Variants in ZNF407 observed in about 807,000 individuals in gnomAD.
ZNF407 encodes zinc finger protein 407.
ZNF407 carries 17 observed loss-of-function variants against 131.2 expected under a neutral mutation model. That is an observed-to-expected ratio of 0.13 (90% CI 0.09 to 0.19). The LOEUF (loss-of-function observed/expected upper bound fraction) is 0.19. Ranked by LOEUF, ZNF407 falls within the 10% of genes least tolerant of loss-of-function variation. The probability of loss-of-function intolerance (pLI) is 1.00; values close to 1 mark genes in which losing one functional copy is unlikely to be tolerated. For synonymous variants in ZNF407, 1,156 were observed against 1,062.0 expected, an observed-to-expected ratio of 1.09 and a Z score of -1.72; for missense variants, 2,681 against 2,830.6, an observed-to-expected ratio of 0.95 and a Z score of 1.20.
At chr18:74,756,091 A>G (rs1481123593) in intron 3 of ZNF407, among the ~76,000 whole-genome samples, 3 of 150,712 alleles carry the variant, frequency 2.0e-5, no homozygotes, top group Non-Finnish European at 3.0e-5. Context: ...ATGGGGTTTC[A>G]CCATGTTGGC....
intron 3 of ZNF407, among the ~76,000 whole-genome samples, chr18:74,779,345 A>G (rs553849943): frequency 1.3e-5 from 2 of 151,306 alleles, no homozygotes; most frequent in Non-Finnish European, 2.9e-5. Flanking sequence ...CAATCTCCCG[A>G]CCTTGTGATC....
At position 74,730,996 on chromosome 18, in the gene ZNF407, G is replaced by T. The variant is rs140606636; in HGVS notation, c.4803-50432G>T. ...AATTGAAAAATAACTTTATTAAAAG[G>T]TATTCACTGACTGTTCAGACTTACA... is the stretch of plus-strand genomic sequence containing the variant. On this transcript the variant is annotated intron_variant, in intron 3 of 8. Transcript: ENST00000299687. 2.6e-4 allele frequency among the ~76,000 whole-genome samples: 40 copies of T among 152,198 alleles called. 1 individual carries two copies. The highest frequency in any genetic ancestry group is 2.1e-3 in the Admixed American group (32 of 15,288).
chr18:74,918,461 A>G (rs972111304), intron 7 of ZNF407, among the ~76,000 whole-genome samples: 2 of 152,212 alleles, frequency 1.3e-5, no homozygotes, highest in African/African-American at 4.8e-5. Flanking sequence ...GGTACCTGGC[A>G]TACATTAGGT....
At chr18:74,889,708 A>G (rs1488434717) in intron 6 of ZNF407, among the ~76,000 whole-genome samples, 2 of 152,208 alleles carry the variant, frequency 1.3e-5, no homozygotes, top group African/African-American at 2.4e-5. Flanking sequence ...CTTTGCTTAC[A>G]TTCTAATATA....
chr18:74,953,890 C>T (rs1972245548), intron 8 of ZNF407, among the ~76,000 whole-genome samples: 1 of 152,074 alleles, frequency 6.6e-6, no homozygotes, highest in Non-Finnish European at 1.5e-5. Context: ...CTGCTTTATT[C>T]TGGGAGAAAA....
chr18:74,889,791 AG>A (rs2145195561), intron 6 of ZNF407, 126 bp from the exon 7 acceptor site: 1 of 762,878 alleles, frequency 1.3e-6, no homozygotes, highest in East Asian at 2.9e-5. Context: ...AAGTGTGTGG[AG>A]TCCATTGAAT....
chr18:74,911,910 T>C (rs4567820), intron 7 of ZNF407, among the ~76,000 whole-genome samples: 147,766 of 152,240 alleles, frequency 0.97, 71,883 homozygotes, highest in East Asian at 1. Context: ...GGAATGAGAA[T>C]GCTCTTTGGG....
chr18:75,029,800 T>C (rs1242229473), intron 8 of ZNF407, among the ~76,000 whole-genome samples: 1 of 152,214 alleles, frequency 6.6e-6, no homozygotes, highest in African/African-American at 2.4e-5. Context: ...AACGGATGTC[T>C]TAGAATGTCA....
intron 5 of ZNF407, among the ~76,000 whole-genome samples, chr18:74,879,810 G>A (rs185177484): frequency 6.6e-5 from 10 of 152,186 alleles, no homozygotes; most frequent in South Asian, 6.2e-4. Context: ...ATATGTGTTC[G>A]TTGAAAGTAG....
At chr18:74,606,434 G>C (rs1842194497) in intron 1 of ZNF407, among the ~76,000 whole-genome samples, 1 of 152,108 alleles carries the variant, frequency 6.6e-6, no homozygotes, top group South Asian at 2.1e-4. Flanking sequence ...ATTTTGAGTA[G>C]ATACGGGGTC....
chr18:74,756,729 A>G (rs1024081763), intron 3 of ZNF407, among the ~76,000 whole-genome samples: 4 of 73,444 alleles, frequency 5.4e-5, no homozygotes, highest in African/African-American at 1.0e-4. Context: ...TCATCTGTGA[A>G]TATGTCTTTG....
At chr18:74,626,215 G>A (rs1983778405) in intron 1 of ZNF407, among the ~76,000 whole-genome samples, 1 of 152,198 alleles carries the variant, frequency 6.6e-6, no homozygotes, top group Admixed American at 6.5e-5. Context: ...CTGATATCAA[G>A]TGTTGGTGAG....
chr18:74,687,305 A>G (rs1967117962), intron 3 of ZNF407, among the ~76,000 whole-genome samples: 1 of 152,278 alleles, frequency 6.6e-6, no homozygotes, highest in South Asian at 2.1e-4. Context: ...CTATGATCAC[A>G]TTACTGCACT....
At chr18:74,963,002 T>C (rs993245589) in intron 8 of ZNF407, among the ~76,000 whole-genome samples, 3 of 152,260 alleles carry the variant, frequency 2.0e-5, no homozygotes, top group African/African-American at 7.2e-5. Context: ...TGACAGTTAA[T>C]GCATGGTCTT....
chr18:74,786,071 TTTC>T (rs778305466), intron 4 of ZNF407, among the ~76,000 whole-genome samples: 1 of 152,250 alleles, frequency 6.6e-6, no homozygotes, highest in Non-Finnish European at 1.5e-5. Flanking sequence ...GATTAAATTT[TTTC>T]TTATTAGAAG....
At chr18:74,973,128 T>TA (rs571584911) in intron 8 of ZNF407, among the ~76,000 whole-genome samples, 1 of 151,964 alleles carries the variant, frequency 6.6e-6, no homozygotes, top group African/African-American at 2.4e-5. Flanking sequence ...ATTCTAGGTT[T>TA]TATATATATA....
intron 3 of ZNF407, among the ~76,000 whole-genome samples, chr18:74,755,419 GA>G (rs1211052890): frequency 6.6e-6 from 1 of 152,106 alleles, no homozygotes; most frequent in Non-Finnish European, 1.5e-5. Context: ...TTCGTTAGTT[GA>G]TGCAGTTTCT....
chr18:74,820,124 C>T (rs1222661613), intron 4 of ZNF407, among the ~76,000 whole-genome samples: 1 of 152,132 alleles, frequency 6.6e-6, no homozygotes, highest in Admixed American at 6.5e-5. Flanking sequence ...TGAATAGAAT[C>T]GATTTTCCAG....
intron 4 of ZNF407, among the ~76,000 whole-genome samples, chr18:74,799,913 T>C (rs1470252026): frequency 6.6e-6 from 1 of 151,726 alleles, no homozygotes. Flanking sequence ...CTTTTTTTTT[T>C]TTTTTTTTAA....
Sources: allele counts gnomAD v4.1 joint callset (sites outside exome capture counted in the v4.1 genomes callset), GRCh38; gene constraint gnomAD v4.1.1; transcripts MANE v1.5; gene names NCBI Gene and HGNC (gene_info 2026-07-23, HGNC 2026-07-21).